The following ATRNL1 variants were observed in gnomAD, a reference collection of about 807,000 sequenced individuals.
The protein encoded by ATRNL1 is attractin-like protein 1.
Under a neutral mutation model 182.7 loss-of-function variants are expected in ATRNL1, and 95 were observed. The ratio of observed to expected loss-of-function variants is 0.52; its 90% CI spans 0.44 to 0.62. The LOEUF (loss-of-function observed/expected upper bound fraction) is 0.62, where lower values mean the gene tolerates loss of function less well. ATRNL1 is among the 20% of genes least tolerant of loss of function. The pLI, the probability that ATRNL1 is intolerant of heterozygous loss-of-function variation, is 0.00. For synonymous variants in ATRNL1, 576 were observed against 568.3 expected (o/e 1.01, Z -0.19); for missense variants, 1,471 against 1,679.5 (o/e 0.88, Z 2.17).
At chr10:115,425,763 G>A (rs1193281983) in intron 20 of ATRNL1, among the ~76,000 whole-genome samples, 1 of 152,030 alleles carries the variant, frequency 6.6e-6, no homozygotes, top group Non-Finnish European at 1.5e-5. Flanking sequence ...TAAAAATACA[G>A]ATTAATTGGT....
chr10:115,147,683 CAT>C (rs782273097), intron 5 of ATRNL1, among the ~76,000 whole-genome samples: 10 of 152,000 alleles, frequency 6.6e-5, no homozygotes, highest in Non-Finnish European at 1.5e-4. Context: ...CATTCTTCCA[CAT>C]GTGAATATCC....
intron 21 of ATRNL1, among the ~76,000 whole-genome samples, chr10:115,461,329 A>G (rs1156964731): frequency 6.6e-6 from 1 of 152,102 alleles, no homozygotes; most frequent in African/African-American, 2.4e-5. Context: ...TTATGTATGG[A>G]CAAAATTAAA....
At chr10:115,094,646 CTG>C (rs1306404352) in intron 1 of ATRNL1, among the ~76,000 whole-genome samples, 2 of 152,158 alleles carry the variant, frequency 1.3e-5, no homozygotes, top group East Asian at 1.9e-4. Context: ...TACAACAACT[CTG>C]TGAGTTGCTA....
chr10:115,350,720 C>G (rs1002498416), intron 19 of ATRNL1, among the ~76,000 whole-genome samples: 9 of 152,000 alleles, frequency 5.9e-5, no homozygotes, highest in Non-Finnish European at 1.5e-5. Context: ...TAGCTTTGTT[C>G]TTTTTGGTCA....
intron 26 of ATRNL1, among the ~76,000 whole-genome samples, chr10:115,610,979 G>A (rs1857123442): frequency 6.6e-6 from 1 of 151,156 alleles, no homozygotes; most frequent in South Asian, 2.1e-4. Context: ...TTTTAAACAT[G>A]TACATGATAT....
chr10:115,709,459 A>G (rs1021256220), intron 26 of ATRNL1, among the ~76,000 whole-genome samples: 6 of 152,108 alleles, frequency 3.9e-5, no homozygotes, highest in African/African-American at 1.4e-4. Context: ...TTCTGGTATC[A>G]CAAACTTATT....
At chr10:115,153,757 CT>C (rs1424989122) in intron 5 of ATRNL1, among the ~76,000 whole-genome samples, 2 of 152,192 alleles carry the variant, frequency 1.3e-5, no homozygotes, top group Admixed American at 6.5e-5. Context: ...TTGTCTTCTG[CT>C]AGCTTTTGAA....
intron 26 of ATRNL1, among the ~76,000 whole-genome samples, chr10:115,621,307 AGAGAGAGTGT>A (rs1292625770): frequency 7.4e-6 from 1 of 134,268 alleles, no homozygotes; most frequent in Non-Finnish European, 1.6e-5. Flanking sequence ...AGAGAGAGAG[AGAGAGAGTGT>A]GTGAGTGAGT....
intron 20 of ATRNL1, among the ~76,000 whole-genome samples, chr10:115,413,406 C>T (rs782055721): frequency 1.5e-4 from 23 of 152,078 alleles, no homozygotes; most frequent in Non-Finnish European, 3.1e-4. Flanking sequence ...CTTGCCTAAT[C>T]TTAATTTTTA....
rs556792021 is a variant in ATRNL1, at chr10:115,948,060, G to C, written c.*3281G>C. The C allele has an allele frequency of 8.9e-4, 136 of 152,208 alleles. No individual in the cohort carries two copies. Among genetic ancestry groups the C allele is most frequent in the African/African-American group, 3.2e-3 (135 of 41,548 alleles). The allele number at this position is 152,208 out of a possible 1,614,324, so 9.4% of individuals were successfully genotyped here. A position where few individuals can be genotyped will look rare whatever the true frequency, so the allele number is the denominator to read the frequency against. On this transcript the variant is annotated 3_prime_UTR_variant, in exon 29 of 29. Coordinates refer to ENST00000355044, the MANE Select transcript of ATRNL1 (RefSeq NM_207303.4). Reference sequence around the variant, plus strand: ...CATCCATCTTTTGGTCGTAGGTAAAGGTCAATCAGGTTTTTCAAAAAGACT... The same window carrying C: ...CATCCATCTTTTGGTCGTAGGTAAACGTCAATCAGGTTTTTCAAAAAGACT...
chr10:115,621,241 C>A (rs1555022642), intron 26 of ATRNL1, among the ~76,000 whole-genome samples: 2 of 122,180 alleles, frequency 1.6e-5, no homozygotes, highest in Admixed American at 8.9e-5. Context: ...CAAATAATGG[C>A]CATTGAGCTC....
chr10:115,212,520 A>G (rs112911664), intron 8 of ATRNL1, among the ~76,000 whole-genome samples: 24 of 152,174 alleles, frequency 1.6e-4, no homozygotes, highest in African/African-American at 5.5e-4. Flanking sequence ...AAATATATTA[A>G]TAAATTATTC....
intron 7 of ATRNL1, among the ~76,000 whole-genome samples, chr10:115,167,271 A>T (rs1340562462): frequency 6.6e-6 from 1 of 151,560 alleles, no homozygotes; most frequent in South Asian, 2.1e-4. Flanking sequence ...GTCTGTCTTT[A>T]TGCTAGTACC....
At chr10:115,367,338 CGTA>C (rs1857102529) in intron 19 of ATRNL1, among the ~76,000 whole-genome samples, 1 of 138,904 alleles carries the variant, frequency 7.2e-6, no homozygotes, top group African/African-American at 2.6e-5. Flanking sequence ...GCATTCTTCA[CGTA>C]GTTCTCGAGC....
At chr10:115,601,039 T>G (rs1856567975) in intron 26 of ATRNL1, among the ~76,000 whole-genome samples, 1 of 152,006 alleles carries the variant, frequency 6.6e-6, no homozygotes, top group Non-Finnish European at 1.5e-5. Flanking sequence ...TTTTTCTGCT[T>G]TTGTAGCATC....
At chr10:115,689,849 C>G (rs1946334597) in intron 26 of ATRNL1, among the ~76,000 whole-genome samples, 1 of 152,160 alleles carries the variant, frequency 6.6e-6, no homozygotes, top group African/African-American at 2.4e-5. Flanking sequence ...GACGCTGGGG[C>G]CACACCATCA....
At chr10:115,941,726 C>A (rs1555124329) in intron 28 of ATRNL1, among the ~76,000 whole-genome samples, 1 of 152,046 alleles carries the variant, frequency 6.6e-6, no homozygotes, top group Non-Finnish European at 1.5e-5. Context: ...CAGAAGTATG[C>A]CAGAAGATCA....
intron 7 of ATRNL1, among the ~76,000 whole-genome samples, chr10:115,169,181 TC>T (rs1378108252): frequency 6.6e-6 from 1 of 151,476 alleles, no homozygotes; most frequent in Non-Finnish European, 1.5e-5. Flanking sequence ...CATTGATTTA[TC>T]CCAGTATCAC....
At chr10:115,633,614 G>A (rs1303715404) in intron 26 of ATRNL1, among the ~76,000 whole-genome samples, 14 of 152,058 alleles carry the variant, frequency 9.2e-5, no homozygotes, top group African/African-American at 3.4e-4. Flanking sequence ...GTTGTTAATT[G>A]TTTGCAAGAT....
Sources: allele counts gnomAD v4.1 joint callset (sites outside exome capture counted in the v4.1 genomes callset), GRCh38; gene constraint gnomAD v4.1.1; transcripts MANE v1.5; gene names NCBI Gene and HGNC (gene_info 2026-07-23, HGNC 2026-07-21).